The following ITGA7 variants were observed in gnomAD, a reference collection of about 807,000 sequenced individuals.
The protein encoded by ITGA7 is integrin alpha-7.
ITGA7 carries 84 observed loss-of-function variants against 131.6 expected under a neutral mutation model. The ratio of observed to expected loss-of-function variants is 0.64; its 90% CI spans 0.54 to 0.77. The LOEUF is 0.77. ITGA7 is among the 30% of genes least tolerant of loss of function. The pLI is 0.00. For missense variants in ITGA7, 1,399 were observed against 1,482.9 expected (o/e 0.94, Z 0.93); for synonymous variants, 548 against 600.7 (o/e 0.91, Z 1.28).
Position 55,688,307 on chromosome 12 carries a change from G to GA in ITGA7, c.2959-8dup, listed in dbSNP as rs1300240946. On this transcript the variant is annotated splice_polypyrimidine_tract_variant and splice_region_variant and intron_variant, in intron 22 of 24. Coordinates refer to ENST00000257879, the MANE Select transcript of ITGA7 (RefSeq NM_002206.3). Reference sequence around the variant, plus strand: ...ACTTCACAGCTGAGTACTCCTAAGGGAACAGGGAAGGAGACCCTTCTCCTA... The same window carrying GA: ...ACTTCACAGCTGAGTACTCCTAAGGGAAACAGGGAAGGAGACCCTTCTCCTA... 4.4e-6 allele frequency: 7 copies of GA among 1,604,020 alleles called. No homozygotes were observed. The highest frequency in any genetic ancestry group is 6.0e-6 in the Non-Finnish European group (7 of 1,171,092).
At chr12:55,716,133 A>T (rs780881380), upstream of ITGA7, 2 of 1,611,308 alleles carry the variant, frequency 1.2e-6, no homozygotes, top group Non-Finnish European at 1.7e-6. Context: ...GCCCGACGTG[A>T]CCATGCTGTC....
chr12:55,714,472 C>G (rs1876358961), upstream of ITGA7, among the ~76,000 whole-genome samples: 1 of 150,532 alleles, frequency 6.6e-6, no homozygotes, highest in African/African-American at 2.5e-5. Flanking sequence ...GAGCCGAGAT[C>G]CCGCCACTGC....
At chr12:55,703,240 C>T in intron 1 of ITGA7, 62 bp from the exon 2 acceptor site, 1 of 1,579,606 alleles carries the variant, frequency 6.3e-7, no homozygotes, top group South Asian at 1.1e-5. Flanking sequence ...GACCCAATCT[C>T]ATTAGAGCTG....
Position 55,700,686 on chromosome 12 carries a change from C to A in ITGA7, c.670+213G>T, listed in dbSNP as rs77958277. On this transcript the variant is annotated intron_variant, in intron 4 of 24. Coordinates refer to ENST00000257879, the MANE Select transcript of ITGA7 (RefSeq NM_002206.3). ...GCCCAGCGTGCACTTGGGGCCCATG[C>A]CAGCATGTTGAGGAACACTTGGCCG... is the stretch of plus-strand genomic sequence containing the variant. The A allele has an allele frequency of 2.7e-3, 1,894 of 696,474 alleles. 26 individuals are homozygous for A. The African/African-American group carries it at 0.031, about 11-fold the overall frequency. The allele number at this position is 696,474 out of a possible 1,614,324, so 43.1% of individuals were successfully genotyped here. A position where few individuals can be genotyped will look rare whatever the true frequency, so the allele number is the denominator to read the frequency against.
chr12:55,696,045 C>T lies in ITGA7; in HGVS notation c.1887+238G>A, dbSNP rs560236561. ...AATGTGACTTCAAGAGCTTGAAGGC[C>T]GCATTTGAAGATTACAGAATCCCAT... On this transcript the variant is annotated intron_variant, in intron 13 of 24. Transcript: ENST00000257879. Among the ~76,000 whole-genome samples the T allele has an allele frequency of 7.9e-5, 12 of 152,246 alleles. No individual in the cohort carries two copies. The South Asian group carries it at 1.7e-3, about 21-fold the overall frequency.
upstream of ITGA7, among the ~76,000 whole-genome samples, chr12:55,713,283 G>C (rs972179213): frequency 3.3e-5 from 5 of 152,104 alleles, no homozygotes; most frequent in Admixed American, 3.3e-4. Flanking sequence ...CCCTTCTCTG[G>C]AGCAGAGCCT....
intron 1 of ITGA7, among the ~76,000 whole-genome samples, chr12:55,703,412 G>A (rs1396659284): frequency 2.5e-5 from 3 of 121,016 alleles, no homozygotes; most frequent in Non-Finnish European, 5.2e-5. Flanking sequence ...AACATACACA[G>A]TAGATACACA....
At chr12:55,701,302 C>A in intron 3 of ITGA7, 148 bp from the exon 4 acceptor site, 1 of 1,568,744 alleles carries the variant, frequency 6.4e-7, no homozygotes, top group East Asian at 2.3e-5. Context: ...CACCCCTATG[C>A]CGGCACCACT....
chr12:55,702,877 T>C lies in ITGA7; in HGVS notation c.409A>G (p.Ile137Val). Residue 137 changes from isoleucine (I) to valine (V), a missense_variant, in exon 3 of 25, where the codon ATT (isoleucine) becomes GTT (valine). Coordinates refer to ENST00000257879, the MANE Select transcript of ITGA7 (RefSeq NM_002206.3). ...TCATGAGAAGCAATACTCACAACAA[T>C]CTTGCCCCCAGGCCCCTGGCTCCGA... ...SVRSQGPGGK[I>V]VTCAHRYEAR... The C allele has an allele frequency of 6.2e-7, 1 of 1,612,486 alleles. No homozygotes were observed. Among genetic ancestry groups the C allele is most frequent in the Non-Finnish European group, 8.5e-7 (1 of 1,179,720 alleles).
chr12:55,694,043 C>T lies in ITGA7; in HGVS notation c.2513G>A (p.Ser838Asn). The T allele has an allele frequency of 1.2e-6, 2 of 1,614,020 alleles. No homozygotes were observed. The highest frequency in any genetic ancestry group is 1.7e-6 in the Non-Finnish European group (2 of 1,179,920). The change falls in exon 19 of 25, where the codon AGC (serine) becomes AAC (asparagine). Residue 838 changes from serine (S) to asparagine (N), a missense_variant. Physicochemically the swap from Ser to Asn is conservative, Grantham distance 46. Transcript: ENST00000257879. The surrounding 1 kb of genome is among the most constrained non-coding windows in gnomAD (Gnocchi z 5.3). ...TACCGTGACCTCATACTTGACCTTG[C>T]TGCCCACATCCCGCTCAGACTGCAT... is the stretch of plus-strand genomic sequence containing the variant. Reference protein sequence around the residue: ...RAMQSERDVGSKVKYEVTVSN... With the variant: ...RAMQSERDVGNKVKYEVTVSN...
upstream of ITGA7, chr12:55,715,955 C>T (rs1261668532): frequency 1.4e-6 from 2 of 1,393,258 alleles, no homozygotes; most frequent in Non-Finnish European, 1.9e-6. Flanking sequence ...ACTTCACCTG[C>T]CCTCCGCAAC....
rs794727321 is a variant in ITGA7, at chr12:55,693,211, A to T, written c.2642T>A (p.Val881Asp). 2.5e-6 allele frequency: 4 copies of T among 1,613,934 alleles called. No individual in the cohort carries two copies. The Admixed American group carries it at 6.7e-5, about 27-fold the overall frequency. Residue 881 changes from valine to aspartate, a missense_variant, in exon 20 of 25, where the codon GTT becomes GAT. Physicochemically the swap from Val to Asp is radical, Grantham distance 152. Transcript: ENST00000257879. ...NGKWLLYPMQ[V>D]ELEGGQGPGQ... ...AGGCCCCTGCCCGCCCTCCAGCTCA[A>T]CCTGCATTGGGTACAGCAACCACTT...
intron 1 of ITGA7, among the ~76,000 whole-genome samples, chr12:55,703,611 T>C (rs1231744212): frequency 6.6e-6 from 1 of 152,062 alleles, no homozygotes; most frequent in African/African-American, 2.4e-5. Context: ...ATGCCAAGAA[T>C]GCTGGGAGCA....
intron 1 of ITGA7, among the ~76,000 whole-genome samples, chr12:55,705,276 T>A (rs762146292): frequency 1.3e-5 from 2 of 149,946 alleles, no homozygotes; most frequent in Non-Finnish European, 2.9e-5. Context: ...CCACCTCTGG[T>A]CCAGCCACAC....
chr12:55,688,881 T>C lies in ITGA7; in HGVS notation c.2921A>G (p.His974Arg). ...GCTGTTCCAGAGACGGCCCCAGACA[T>C]GCAGCACAGCCGCGCGGTCAAAGCT... Reference protein sequence around the residue: ...LYSFDRAAVLHVWGRLWNSTF... With the variant: ...LYSFDRAAVLRVWGRLWNSTF... Residue 974 changes from histidine (H) to arginine (R), a missense_variant, in exon 22 of 25, where the codon CAT becomes CGT. Transcript: ENST00000257879. The C allele has an allele frequency of 1.2e-6, 2 of 1,614,002 alleles. No homozygotes were observed. The highest frequency in any genetic ancestry group is 1.7e-6 in the Non-Finnish European group (2 of 1,179,976).
Position 55,685,726 on chromosome 12 carries a change from A to G in ITGA7, c.3184-438T>C, listed in dbSNP as rs1048220417. On this transcript the variant is annotated intron_variant, in intron 24 of 24. Coordinates refer to ENST00000257879, the MANE Select transcript of ITGA7 (RefSeq NM_002206.3). ...AGCCTCATAAACATGCACCCCGTGT[A>G]CTTGTACCTTGGGCGGCACGCCCCT... Among the ~76,000 whole-genome samples, 7 of 152,344 alleles carry G rather than the reference A, an allele frequency of 4.6e-5. No individual in the cohort carries two copies. In the Middle Eastern group the frequency reaches 0.017, roughly 370 times the overall value.
intron 3 of ITGA7, among the ~76,000 whole-genome samples, chr12:55,701,870 AC>A (rs1305376419): frequency 6.6e-6 from 1 of 152,140 alleles, no homozygotes; most frequent in Non-Finnish European, 1.5e-5. Flanking sequence ...CCTCCTTTGG[AC>A]TTTTATAGAC....
chr12:55,698,586 G>C lies in ITGA7; in HGVS notation c.999-10C>G. The C allele has an allele frequency of 6.2e-7, 1 of 1,614,152 alleles. No homozygotes were observed. The highest frequency in any genetic ancestry group is 1.1e-5 in the South Asian group (1 of 91,086). On this transcript the variant is annotated splice_polypyrimidine_tract_variant and intron_variant, in intron 6 of 24. Coordinates refer to ENST00000257879, the MANE Select transcript of ITGA7 (RefSeq NM_002206.3). ...TATCAGGTCTGGCCAGCTATGGAGA[G>C]AGGGAAACATTCAGTGTGGGTCCTC...
intron 21 of ITGA7, 83 bp downstream of exon 21, chr12:55,692,761 A>C: frequency 1.3e-6 from 2 of 1,508,308 alleles, no homozygotes; most frequent in Non-Finnish European, 9.0e-7. Context: ...TTGCACCCAG[A>C]CCATCATGTG....
Sources: gnomAD v4.1 joint callset for allele counts (sites outside exome capture counted in the v4.1 genomes callset) on GRCh38, gnomAD v4.1.1 for gene constraint, Gnocchi (gnomAD v3.1) non-coding constraint, MANE v1.5 for transcripts, NCBI Gene and HGNC (gene_info 2026-07-23, HGNC 2026-07-21) for gene names.